ETFA: variants seen among roughly 807,000 people sequenced by gnomAD.
ETFA encodes the protein electron transfer flavoprotein subunit alpha.
In ETFA, 22 loss-of-function variants were observed where a neutral mutation model predicts 46.2. That is an observed-to-expected ratio of 0.48 (90% CI 0.34 to 0.68). The LOEUF (loss-of-function observed/expected upper bound fraction) is 0.68, where lower values mean the gene tolerates loss of function less well. ETFA is among the 30% of genes least tolerant of loss of function. The probability of loss-of-function intolerance (pLI) is 0.01; values close to 1 mark genes in which losing one functional copy is unlikely to be tolerated. For missense variants in ETFA, 345 were observed against 401.1 expected, an observed-to-expected ratio of 0.86 and a Z score of 1.19; for synonymous variants, 131 against 139.9, an observed-to-expected ratio of 0.94 and a Z score of 0.45.
In ETFA at chr15:76,292,669, A is replaced by C; in HGVS notation, c.218T>G (p.Ile73Arg). Residue 73 changes from isoleucine (I) to arginine (R), a missense_variant, in exon 3 of 12, where the codon ATA becomes AGA. Coordinates refer to ENST00000557943, the MANE Select transcript of ETFA (RefSeq NM_000126.4). ...ATGCTGAGCCACCAGAACTTTTGCT[A>C]TGCCTGCTACTTTACAGAGATCTTG... ...VAQDLCKVAG[I>R]AKVLVAQHDV... 6.2e-7 allele frequency: 1 copy of C among 1,613,692 alleles called. No individual in the cohort carries two copies.
rs1346805579 is a variant in ETFA, at chr15:76,241,549, CA to C, written c.817-10152del. ...GGCGCAGTGGCTCACACTTGTAATC[CA>C]AGCACTTTGGGAGGCTGAGGCAGGC... On this transcript the variant is annotated intron_variant, in intron 9 of 11. Transcript: ENST00000557943. 2.0e-5 allele frequency among the ~76,000 whole-genome samples: 3 copies of C among 151,984 alleles called. 1 individual carries two copies. Among genetic ancestry groups the C allele is most frequent in the Admixed American group, 6.5e-5 (1 of 15,268 alleles).
intron 1 of ETFA, among the ~76,000 whole-genome samples, chr15:76,296,167 C>T (rs1335676747): frequency 6.6e-6 from 1 of 151,838 alleles, no homozygotes; most frequent in African/African-American, 2.4e-5. Context: ...CCAGGATGGT[C>T]TCCATCTCCT....
chr15:76,236,598 T>C (rs1419058983), intron 9 of ETFA, among the ~76,000 whole-genome samples: 1 of 152,214 alleles, frequency 6.6e-6, no homozygotes, highest in South Asian at 2.1e-4. Flanking sequence ...CATTTACAGG[T>C]TCTATTATGC....
At chr15:76,253,058 C>T (rs933050188) in intron 9 of ETFA, among the ~76,000 whole-genome samples, 4 of 152,066 alleles carry the variant, frequency 2.6e-5, no homozygotes, top group Admixed American at 6.6e-5. Context: ...GGACTACAGA[C>T]GTACACCACG....
chr15:76,260,146 C>A (rs2039391852), intron 9 of ETFA: 2 of 1,407,410 alleles, frequency 1.4e-6, no homozygotes, highest in African/African-American at 1.6e-5. Flanking sequence ...CTATATCCAG[C>A]CAGGGTGAAC....
chr15:76,290,064 G>T (rs1399005322), intron 4 of ETFA, among the ~76,000 whole-genome samples: 1 of 152,176 alleles, frequency 6.6e-6, no homozygotes, highest in African/African-American at 2.4e-5. Flanking sequence ...AGGAAAAAAT[G>T]TTAAAATGTA....
intron 9 of ETFA, among the ~76,000 whole-genome samples, chr15:76,257,161 A>T (rs1005827737): frequency 6.6e-6 from 1 of 152,168 alleles, no homozygotes; most frequent in Non-Finnish European, 1.5e-5. Flanking sequence ...CGCCCCATGC[A>T]TTCCAGAGGT....
intron 8 of ETFA, among the ~76,000 whole-genome samples, chr15:76,278,625 C>T (rs1481990556): frequency 6.6e-6 from 1 of 152,146 alleles, no homozygotes; most frequent in Non-Finnish European, 1.5e-5. Flanking sequence ...ATACTAAGTT[C>T]CCCCAGTCCT....
intron 10 of ETFA, chr15:76,227,719 T>C: frequency 2.3e-6 from 1 of 433,096 alleles, no homozygotes; most frequent in South Asian, 1.7e-5. Flanking sequence ...CTACCTGGCA[T>C]TGTATGTTGT....
intron 1 of ETFA, 49 bp from the exon 2 acceptor site, chr15:76,295,786 GTTTTTT>G (rs59517673): frequency 8.2e-6 from 9 of 1,102,450 alleles, no homozygotes; most frequent in South Asian, 4.4e-5. Flanking sequence ...TTGTCACAGG[GTTTTTT>G]TTTTTTTTTT....
chr15:76,223,424 T>C (rs1395181370), intron 11 of ETFA, among the ~76,000 whole-genome samples: 1 of 152,020 alleles, frequency 6.6e-6, no homozygotes, highest in African/African-American at 2.4e-5. Flanking sequence ...GGTTTCACCA[T>C]CTTGCCCAGG....
intron 10 of ETFA, among the ~76,000 whole-genome samples, chr15:76,227,019 A>G (rs1219636794): frequency 1.3e-5 from 2 of 152,240 alleles, no homozygotes; most frequent in Non-Finnish European, 2.9e-5. Flanking sequence ...CCTTATGTAC[A>G]TAGCAAATAG....
intron 1 of ETFA, among the ~76,000 whole-genome samples, chr15:76,301,233 G>T (rs1302264738): frequency 6.6e-6 from 1 of 152,154 alleles, no homozygotes; most frequent in Non-Finnish European, 1.5e-5. Context: ...CACCAACATG[G>T]TACCTTGTAA....
At chr15:76,295,933 A>ATTTTTTTTTTTTTTTTTTTTT (rs1555459250) in intron 1 of ETFA, among the ~76,000 whole-genome samples, 196 bp from the exon 2 acceptor site, 13 of 58,494 alleles carry the variant, frequency 2.2e-4, no homozygotes, top group Admixed American at 4.6e-4. Flanking sequence ...TACCACTAAT[A>ATTTTTTTTTTTTTTTTTTTTT]TTCTTTTTTT....
intron 9 of ETFA, among the ~76,000 whole-genome samples, chr15:76,256,379 C>G (rs542719573): frequency 8.5e-4 from 129 of 152,020 alleles, no homozygotes; most frequent in Non-Finnish European, 1.7e-3. Context: ...CCACTTCATA[C>G]CAAAGTACAA....
chr15:76,262,564 G>C (rs561056976), intron 9 of ETFA, among the ~76,000 whole-genome samples: 1 of 132,374 alleles, frequency 7.6e-6, no homozygotes, highest in Admixed American at 9.3e-5. Context: ...CTCACTGCAA[G>C]CTCCACCTCC....
At chr15:76,305,180 G>T (rs897065352) in intron 1 of ETFA, among the ~76,000 whole-genome samples, 1 of 151,426 alleles carries the variant, frequency 6.6e-6, no homozygotes, top group Admixed American at 6.6e-5. Flanking sequence ...CCTCTAACAA[G>T]ATTAAACCTC....
At chr15:76,263,266 T>C (rs1388737612) in intron 9 of ETFA, among the ~76,000 whole-genome samples, 1 of 152,164 alleles carries the variant, frequency 6.6e-6, no homozygotes, top group Non-Finnish European at 1.5e-5. Flanking sequence ...TCTCATTCCT[T>C]TGACTCCGCC....
At chr15:76,263,854 G>A (rs1481231807) in intron 9 of ETFA, among the ~76,000 whole-genome samples, 1 of 152,002 alleles carries the variant, frequency 6.6e-6, no homozygotes, top group East Asian at 1.9e-4. Flanking sequence ...GAAAAGAAAG[G>A]AAAACTAAAA....
Sources: allele counts gnomAD v4.1 joint callset (sites outside exome capture counted in the v4.1 genomes callset), GRCh38; gene constraint gnomAD v4.1.1; transcripts MANE v1.5; gene names NCBI Gene and HGNC (gene_info 2026-07-23, HGNC 2026-07-21).